Variants in ARHGAP10 observed in about 807,000 individuals in gnomAD.
ARHGAP10 encodes the protein Rho GTPase activating protein 10, also known as rho GTPase-activating protein 10.
ARHGAP10 carries 87 observed loss-of-function variants against 108.6 expected under a neutral mutation model. The observed-to-expected ratio is 0.80, with a 90% CI of 0.67 to 0.96. ARHGAP10 has a LOEUF of 0.96. Among genes scored for constraint, ARHGAP10 ranks in the 40% least tolerant of loss-of-function variants. ARHGAP10 has a pLI of 0.00. For missense variants in ARHGAP10, 939 were observed against 954.5 expected, an observed-to-expected ratio of 0.98 and a Z score of 0.21; for synonymous variants, 347 against 341.1, an observed-to-expected ratio of 1.02 and a Z score of -0.19.
At chr4:147,946,075 A>G (rs973747725) in intron 14 of ARHGAP10, among the ~76,000 whole-genome samples, 12 of 152,148 alleles carry the variant, frequency 7.9e-5, no homozygotes, top group African/African-American at 2.9e-4. Context: ...CATGTGTTAA[A>G]AGACCGAAAT....
At chr4:147,830,370 TCTC>T (rs1284913397) in intron 3 of ARHGAP10, among the ~76,000 whole-genome samples, 20 of 152,122 alleles carry the variant, frequency 1.3e-4, no homozygotes, top group Non-Finnish European at 2.9e-5. Flanking sequence ...TGCACCCCCT[TCTC>T]ATCATCCTTT....
Position 147,911,993 on chromosome 4 carries a change from ACGTGTGTGTGTGTG to A in ARHGAP10, c.1163-1080_1163-1067del, listed in dbSNP as rs1320042521. ...ATTCTCAAGTAATTTAAGAACATTC[ACGTGTGTGTGTGTG>A]TGTGTGTGTGTGTGTGTGTGTGTGT... is the stretch of plus-strand genomic sequence containing the variant. On this transcript the variant is annotated intron_variant, in intron 12 of 22. Coordinates refer to ENST00000336498, the MANE Select transcript of ARHGAP10 (RefSeq NM_024605.4). Among the ~76,000 whole-genome samples, 9 of 108,694 alleles carry A rather than the reference ACGTGTGTGTGTGTG, an allele frequency of 8.3e-5. No individual in the cohort carries two copies. The East Asian group carries it at 1.0e-3, about 13-fold the overall frequency. 71.3% of individuals were successfully genotyped at this position (108,694 alleles called of 152,430 possible).
At chr4:147,802,617 A>AT (rs1269962901) in intron 1 of ARHGAP10, among the ~76,000 whole-genome samples, 1 of 152,208 alleles carries the variant, frequency 6.6e-6, no homozygotes, top group Non-Finnish European at 1.5e-5. Flanking sequence ...AGCCTGTTGT[A>AT]TTGCAGGTGG....
rs181581484 is a variant in ARHGAP10 at position 148,068,182 on chromosome 4, A to C, written c.2272+3675A>C. Among the ~76,000 whole-genome samples the C allele has an allele frequency of 8.5e-5, 13 of 152,166 alleles. No homozygotes were observed. In the East Asian group the frequency reaches 2.5e-3, roughly 30 times the overall value. On this transcript the variant is annotated intron_variant, in intron 22 of 22. Transcript: ENST00000336498. Reference sequence around the variant, plus strand: ...TTAGATGGGCAGTGGTTGCCTCCTCAGGGGCAGGGTTGGGAGGGGTGCTGA... The same window carrying C: ...TTAGATGGGCAGTGGTTGCCTCCTCCGGGGCAGGGTTGGGAGGGGTGCTGA...
At chr4:147,739,416 C>A (rs1560732563) in intron 1 of ARHGAP10, among the ~76,000 whole-genome samples, 2 of 152,146 alleles carry the variant, frequency 1.3e-5, no homozygotes, top group Admixed American at 6.5e-5. Flanking sequence ...TGACAGAGTT[C>A]ATCTCAAGGT....
chr4:147,961,124 C>T (rs1738974542), intron 16 of ARHGAP10, among the ~76,000 whole-genome samples: 1 of 152,174 alleles, frequency 6.6e-6, no homozygotes, highest in Non-Finnish European at 1.5e-5. Context: ...TAGTAGATAA[C>T]TGCCAAACAG....
chr4:147,904,097 C>G (rs1736357410), intron 10 of ARHGAP10, among the ~76,000 whole-genome samples: 1 of 152,186 alleles, frequency 6.6e-6, no homozygotes, highest in African/African-American at 2.4e-5. Flanking sequence ...GTTCCTGTTG[C>G]TCCACATCCT....
chr4:147,737,355 G>C (rs1728461321), intron 1 of ARHGAP10, among the ~76,000 whole-genome samples: 1 of 150,076 alleles, frequency 6.7e-6, no homozygotes, highest in African/African-American at 2.5e-5. Flanking sequence ...TAAAGACAGG[G>C]TTTCACTGTG....
At chr4:147,822,602 T>G (rs1021724400) in intron 1 of ARHGAP10, 125 bp from the exon 2 acceptor site, 4 of 937,312 alleles carry the variant, frequency 4.3e-6, no homozygotes, top group Non-Finnish European at 6.5e-6. Context: ...GGGAGTTGGG[T>G]CATGCCTTCT....
At chr4:148,007,241 T>A (rs7698520) in intron 18 of ARHGAP10, among the ~76,000 whole-genome samples, 84,072 of 151,832 alleles carry the variant, frequency 0.55, 23,906 homozygotes, top group East Asian at 0.65. Context: ...CGGAAAGAGA[T>A]AATCAGAATA....
intron 3 of ARHGAP10, among the ~76,000 whole-genome samples, chr4:147,844,456 C>T (rs1343795096): frequency 2.0e-5 from 3 of 151,768 alleles, no homozygotes; most frequent in Non-Finnish European, 4.4e-5. Flanking sequence ...TTTTTTGTAC[C>T]CATTAACCAT....
chr4:147,974,607 G>A (rs900234347), intron 18 of ARHGAP10, among the ~76,000 whole-genome samples: 2 of 152,194 alleles, frequency 1.3e-5, no homozygotes, highest in South Asian at 4.1e-4. Flanking sequence ...TATGTAAAAT[G>A]TGCTTTGGTT....
At chr4:147,804,009 T>C (rs1427617405) in intron 1 of ARHGAP10, among the ~76,000 whole-genome samples, 1 of 151,472 alleles carries the variant, frequency 6.6e-6, no homozygotes, top group African/African-American at 2.4e-5. Context: ...TTTTTTTTTT[T>C]TCTTTCAGGT....
At chr4:147,741,788 A>ACG (rs1553944864) in intron 1 of ARHGAP10, among the ~76,000 whole-genome samples, 3,582 of 19,546 alleles carry the variant, frequency 0.18, 38 homozygotes, top group Non-Finnish European at 0.26. Context: ...ACACACACAC[A>ACG]CACGCACACA....
At chr4:147,894,937 G>A (rs915822210) in intron 10 of ARHGAP10, among the ~76,000 whole-genome samples, 3 of 152,152 alleles carry the variant, frequency 2.0e-5, no homozygotes, top group African/African-American at 7.2e-5. Context: ...TTAGTCAGGT[G>A]GTACAAGTCC....
intron 1 of ARHGAP10, among the ~76,000 whole-genome samples, chr4:147,795,474 G>C (rs1731279975): frequency 6.6e-6 from 1 of 152,018 alleles, no homozygotes; most frequent in Non-Finnish European, 1.5e-5. Context: ...GAGTCTTACA[G>C]GGTCTCTGTG....
chr4:147,803,268 C>T (rs989880202), intron 1 of ARHGAP10, among the ~76,000 whole-genome samples: 1 of 152,226 alleles, frequency 6.6e-6, no homozygotes, highest in African/African-American at 2.4e-5. Flanking sequence ...CTTGGCCTCC[C>T]AAAGTGCTGG....
intron 18 of ARHGAP10, among the ~76,000 whole-genome samples, chr4:147,992,260 C>G (rs1254019009): frequency 6.6e-6 from 1 of 152,094 alleles, no homozygotes; most frequent in African/African-American, 2.4e-5. Context: ...TTTGGAGAAG[C>G]CAGGTGTTGC....
chr4:147,760,475 T>A (rs745331991), intron 1 of ARHGAP10, among the ~76,000 whole-genome samples: 4 of 152,074 alleles, frequency 2.6e-5, no homozygotes, highest in Admixed American at 2.6e-4. Context: ...GAGCGGCAGA[T>A]TGGGGAGAGG....
Sources: gnomAD v4.1 joint callset for allele counts (sites outside exome capture counted in the v4.1 genomes callset) on GRCh38, gnomAD v4.1.1 for gene constraint, MANE v1.5 for transcripts, NCBI Gene and HGNC (gene_info 2026-07-23, HGNC 2026-07-21) for gene names.